The following NRG3 variants were observed in gnomAD, a reference collection of about 807,000 sequenced individuals.
NRG3 encodes pro-neuregulin-3, membrane-bound isoform.
In NRG3, 31 loss-of-function variants were observed where a neutral mutation model predicts 66.9. The observed-to-expected ratio is 0.46, with a 90% CI of 0.35 to 0.63. The LOEUF (loss-of-function observed/expected upper bound fraction) is 0.63. Ranked by LOEUF, NRG3 falls within the 20% of genes least tolerant of loss-of-function variation. The pLI is 0.00. For missense variants in NRG3, 910 were observed against 878.9 expected, an observed-to-expected ratio of 1.04 and a Z score of -0.45; for synonymous variants, 393 against 359.4, an observed-to-expected ratio of 1.09 and a Z score of -1.06.
Position 82,382,102 on chromosome 10 carries a change from C to G in NRG3, c.953+23234C>G, listed in dbSNP as rs899596070. Reference sequence around the variant, plus strand: ...TAAAAATTTTTAAAAACATATTTTCCTGTTTTATAATTGTTTTATTTGTAT... The same window carrying G: ...TAAAAATTTTTAAAAACATATTTTCGTGTTTTATAATTGTTTTATTTGTAT... On this transcript the variant is annotated intron_variant, in intron 2 of 8. Coordinates refer to ENST00000372141, the MANE Select transcript of NRG3 (RefSeq NM_001010848.4). 4.6e-5 allele frequency among the ~76,000 whole-genome samples: 7 copies of G among 151,774 alleles called. No homozygotes were observed. In the East Asian group the frequency reaches 1.4e-3, roughly 29 times the overall value.
At chr10:82,717,108 T>C (rs926447671) in intron 2 of NRG3, among the ~76,000 whole-genome samples, 6 of 152,118 alleles carry the variant, frequency 3.9e-5, no homozygotes, top group African/African-American at 1.2e-4. Context: ...CACCGAATGA[T>C]AGAGTGGCAG....
chr10:82,273,513 C>G (rs974506455), intron 1 of NRG3, among the ~76,000 whole-genome samples: 4 of 151,808 alleles, frequency 2.6e-5, no homozygotes, highest in African/African-American at 9.7e-5. Context: ...TTAATTATAA[C>G]CCACAGAATT....
At position 82,644,918 on chromosome 10, in the gene NRG3, A is replaced by C. The variant is rs74377798; in HGVS notation, c.954-93659A>C. 8.1e-3 allele frequency among the ~76,000 whole-genome samples: 1,231 copies of C among 152,248 alleles called. 6 individuals carry two copies. The highest frequency in any genetic ancestry group is 0.011 in the Non-Finnish European group (748 of 68,012). On this transcript the variant is annotated intron_variant, in intron 2 of 8. Transcript: ENST00000372141. ...TATTGAAGTTTAAGTGAGTGTATCC[A>C]TACCTAATTTTCCTTTCTTTCTTTT...
intron 3 of NRG3, among the ~76,000 whole-genome samples, chr10:82,798,958 A>C (rs1469223139): frequency 2.0e-5 from 3 of 152,210 alleles, no homozygotes; most frequent in Admixed American, 6.5e-5. Context: ...GAGGCTCTGC[A>C]GGTGACTGGG....
At chr10:82,978,429 C>A (rs4244938) in intron 7 of NRG3, among the ~76,000 whole-genome samples, 131,364 of 152,252 alleles carry the variant, frequency 0.86, 56,741 homozygotes, top group Middle Eastern at 0.95. Flanking sequence ...AATCTGAGGT[C>A]GTGAACAGGG....
intron 6 of NRG3, among the ~76,000 whole-genome samples, chr10:82,970,920 T>G (rs1851664888): frequency 6.6e-6 from 1 of 152,168 alleles, no homozygotes; most frequent in Admixed American, 6.5e-5. Flanking sequence ...ATGCTGAGGC[T>G]GGTTAATTTA....
At chr10:82,890,784 G>A (rs1843083743) in intron 4 of NRG3, among the ~76,000 whole-genome samples, 1 of 152,094 alleles carries the variant, frequency 6.6e-6, no homozygotes, top group Non-Finnish European at 1.5e-5. Context: ...AAGACGTTCT[G>A]TTACTCCACA....
intron 1 of NRG3, among the ~76,000 whole-genome samples, chr10:82,288,617 A>G (rs1483580479): frequency 1.3e-5 from 2 of 152,188 alleles, no homozygotes; most frequent in Non-Finnish European, 1.5e-5. Flanking sequence ...CACATACCAC[A>G]TACTGCTCCA....
chr10:82,752,162 G>A (rs543320810), intron 3 of NRG3, among the ~76,000 whole-genome samples: 20 of 152,048 alleles, frequency 1.3e-4, no homozygotes, highest in Admixed American at 1.2e-3. Context: ...TAAGAATTAT[G>A]GATAATTAAT....
At chr10:82,483,029 A>G (rs1842408575) in intron 2 of NRG3, among the ~76,000 whole-genome samples, 1 of 152,170 alleles carries the variant, frequency 6.6e-6, no homozygotes, top group South Asian at 2.1e-4. Context: ...GTTAACAAGT[A>G]ACTTCAGTTC....
chr10:82,290,800 A>ATT (rs11369490), intron 1 of NRG3, among the ~76,000 whole-genome samples: 5,152 of 141,762 alleles, frequency 0.036, 324 homozygotes, highest in African/African-American at 0.12. Flanking sequence ...CGCCTGGCTA[A>ATT]TTTTTTTTTT....
chr10:82,673,209 C>A (rs2053425939), intron 2 of NRG3, among the ~76,000 whole-genome samples: 1 of 152,196 alleles, frequency 6.6e-6, no homozygotes, highest in Non-Finnish European at 1.5e-5. Flanking sequence ...CCGCCTTGCA[C>A]CCTGAGCTGC....
At chr10:82,538,688 AT>A (rs1163894814) in intron 2 of NRG3, among the ~76,000 whole-genome samples, 7 of 151,596 alleles carry the variant, frequency 4.6e-5, no homozygotes, top group African/African-American at 7.3e-5. Flanking sequence ...GAATCTCCAC[AT>A]TTTTTTTCAC....
At chr10:82,721,352 A>G (rs1353121527) in intron 2 of NRG3, among the ~76,000 whole-genome samples, 2 of 149,912 alleles carry the variant, frequency 1.3e-5, no homozygotes, top group Non-Finnish European at 3.0e-5. Flanking sequence ...GGTAGCCAGG[A>G]TTGTCTCGAT....
intron 3 of NRG3, among the ~76,000 whole-genome samples, chr10:82,761,940 CTTT>C (rs780000278): frequency 3.2e-5 from 4 of 126,456 alleles, no homozygotes; most frequent in Non-Finnish European, 3.5e-5. Flanking sequence ...TTCTTTCTTT[CTTT>C]CTTTCTTTCT....
At chr10:82,116,940 T>A (rs1311661145) in intron 1 of NRG3, among the ~76,000 whole-genome samples, 2 of 152,068 alleles carry the variant, frequency 1.3e-5, no homozygotes, top group African/African-American at 4.8e-5. Context: ...TGCTCAGGCT[T>A]TGCCCTCAAC....
At chr10:82,136,778 G>T (rs530738189) in intron 1 of NRG3, among the ~76,000 whole-genome samples, 1 of 152,230 alleles carries the variant, frequency 6.6e-6, no homozygotes, top group African/African-American at 2.4e-5. Flanking sequence ...TCTGGCTAGG[G>T]CTGGTATAAA....
intron 6 of NRG3, among the ~76,000 whole-genome samples, chr10:82,964,802 A>G (rs7922695): frequency 5.9e-5 from 9 of 152,028 alleles, no homozygotes; most frequent in African/African-American, 1.9e-4. Flanking sequence ...GATTATCAGC[A>G]CTGTCAACAT....
chr10:82,468,812 T>A (rs925885927), intron 2 of NRG3, among the ~76,000 whole-genome samples: 2 of 151,522 alleles, frequency 1.3e-5, no homozygotes, highest in African/African-American at 4.9e-5. Flanking sequence ...TTGGTGGTCA[T>A]GGGGAAGGAT....
Sources: gnomAD v4.1 joint callset for allele counts (sites outside exome capture counted in the v4.1 genomes callset) on GRCh38, gnomAD v4.1.1 for gene constraint, MANE v1.5 for transcripts, NCBI Gene and HGNC (gene_info 2026-07-23, HGNC 2026-07-21) for gene names.